HACE1: variants seen among roughly 807,000 people sequenced by gnomAD.
HACE1 encodes the protein HECT domain and ankyrin repeat containing E3 ubiquitin protein ligase 1.
HACE1 carries 73 observed loss-of-function variants against 118.4 expected under a neutral mutation model. That is an observed-to-expected ratio of 0.62 (90% CI 0.51 to 0.75). The LOEUF is 0.75. Among genes scored for constraint, HACE1 ranks in the 30% least tolerant of loss-of-function variants. HACE1 has a pLI of 0.00. For synonymous variants in HACE1, 368 were observed against 374.8 expected (o/e 0.98, Z 0.21); for missense variants, 749 against 1,102.2 (o/e 0.68, Z 4.54).
At chr6:104,842,168 G>A (rs548912264) in intron 5 of HACE1, among the ~76,000 whole-genome samples, 43 of 152,258 alleles carry the variant, frequency 2.8e-4, no homozygotes, top group Middle Eastern at 3.4e-3. Flanking sequence ...TACTAGCCAA[G>A]GGTAGTGAGA....
chr6:104,749,943 A>G (rs1048541723), intron 20 of HACE1, among the ~76,000 whole-genome samples: 7 of 152,138 alleles, frequency 4.6e-5, no homozygotes, highest in Non-Finnish European at 1.0e-4. Flanking sequence ...ATACAATAAG[A>G]AAAACCTTCT....
chr6:104,831,584 CAA>C (rs111566392), intron 6 of HACE1, among the ~76,000 whole-genome samples: 2 of 110,334 alleles, frequency 1.8e-5, no homozygotes. Flanking sequence ...GCCTCCGTCT[CAA>C]AAAAAAAAAG....
chr6:104,809,103 TA>T (rs1420863671), intron 7 of HACE1, among the ~76,000 whole-genome samples: 1 of 152,214 alleles, frequency 6.6e-6, no homozygotes. Flanking sequence ...TTTTATAAGA[TA>T]TTTTTCATAG....
intron 4 of HACE1, 51 bp from the exon 5 acceptor site, chr6:104,843,349 A>T (rs1284551147): frequency 3.6e-6 from 3 of 830,526 alleles, no homozygotes; most frequent in Non-Finnish European, 6.4e-6. Flanking sequence ...AATATATGCA[A>T]ATGACAATTA....
intron 23 of HACE1, 105 bp downstream of exon 23, chr6:104,730,198 T>C: frequency 5.5e-6 from 4 of 724,750 alleles, no homozygotes; most frequent in South Asian, 2.9e-5. Flanking sequence ...TGGAGAGAGA[T>C]CACAGCTGAG....
intron 6 of HACE1, among the ~76,000 whole-genome samples, chr6:104,815,783 A>G (rs1426001541): frequency 7.2e-6 from 1 of 138,494 alleles, no homozygotes; most frequent in African/African-American, 2.9e-5. Context: ...TTTAAAAGGG[A>G]AACAGAGGGC....
intron 6 of HACE1, among the ~76,000 whole-genome samples, chr6:104,832,608 G>C (rs904276394): frequency 5.7e-4 from 87 of 152,064 alleles, no homozygotes; most frequent in African/African-American, 2.0e-3. Context: ...TGTTGCCCAG[G>C]CTGAACTCCT....
chr6:104,782,887 T>C (rs1183113776), intron 14 of HACE1, among the ~76,000 whole-genome samples: 1 of 152,224 alleles, frequency 6.6e-6, no homozygotes, highest in East Asian at 1.9e-4. Flanking sequence ...AACCAAACCA[T>C]TGCCTACAGT....
chr6:104,755,367 T>C (rs960641050), intron 19 of HACE1, among the ~76,000 whole-genome samples: 36 of 152,124 alleles, frequency 2.4e-4, no homozygotes, highest in African/African-American at 8.2e-4. Flanking sequence ...ATTAGACAGA[T>C]CATCAAGACA....
chr6:104,788,232 T>A (rs1016848685), intron 11 of HACE1, among the ~76,000 whole-genome samples: 3 of 152,126 alleles, frequency 2.0e-5, no homozygotes, highest in Admixed American at 2.0e-4. Flanking sequence ...TACCATTTGT[T>A]ACCGAACAAT....
intron 17 of HACE1, among the ~76,000 whole-genome samples, chr6:104,773,974 C>T (rs1237816200): frequency 6.6e-6 from 1 of 151,552 alleles, no homozygotes. Context: ...ATAATAATAG[C>T]ATATAATATT....
At chr6:104,734,642 CTACTCT>C (rs1441547568) in intron 22 of HACE1, among the ~76,000 whole-genome samples, 1 of 152,162 alleles carries the variant, frequency 6.6e-6, no homozygotes, top group East Asian at 1.9e-4. Context: ...TCCTTGGCTT[CTACTCT>C]TCACCCACAT....
chr6:104,831,990 G>GAGAAGA (rs1562471425), intron 6 of HACE1, among the ~76,000 whole-genome samples: 7 of 95,154 alleles, frequency 7.4e-5, no homozygotes, highest in Admixed American at 2.1e-4. Flanking sequence ...GAGGAAGGAA[G>GAGAAGA]GAAGGAAGGA....
chr6:104,750,554 AG>A (rs1231673202), intron 19 of HACE1, 82 bp from the exon 20 acceptor site: 1 of 1,281,556 alleles, frequency 7.8e-7, no homozygotes, highest in Non-Finnish European at 1.1e-6. Context: ...CTTATTTAAG[AG>A]GTAAAGGTTT....
chr6:104,827,025 T>C (rs1184074167), intron 6 of HACE1, among the ~76,000 whole-genome samples: 1 of 152,172 alleles, frequency 6.6e-6, no homozygotes, highest in Non-Finnish European at 1.5e-5. Context: ...CTTCATAACC[T>C]TTCAAGTGAC....
At chr6:104,841,458 G>A (rs766732901) in intron 5 of HACE1, among the ~76,000 whole-genome samples, 2 of 152,062 alleles carry the variant, frequency 1.3e-5, no homozygotes, top group South Asian at 2.1e-4. Context: ...TGCACGTACC[G>A]TGTCACTAAG....
intron 5 of HACE1, among the ~76,000 whole-genome samples, chr6:104,840,876 T>C (rs1261985937): frequency 6.6e-6 from 1 of 152,136 alleles, no homozygotes; most frequent in Non-Finnish European, 1.5e-5. Context: ...AGCAGGAGAA[T>C]TGCTTGAACC....
At chr6:104,836,296 G>A (rs980821625) in intron 5 of HACE1, among the ~76,000 whole-genome samples, 1 of 152,170 alleles carries the variant, frequency 6.6e-6, no homozygotes, top group African/African-American at 2.4e-5. Context: ...TACATATTAA[G>A]AGGATATTTA....
intron 6 of HACE1, among the ~76,000 whole-genome samples, chr6:104,822,070 T>A (rs1318411979): frequency 2.0e-5 from 3 of 151,650 alleles, no homozygotes; most frequent in South Asian, 2.1e-4. Context: ...ATTTTTTTTT[T>A]AAATTATCCA....
Sources: gnomAD v4.1 joint callset for allele counts (sites outside exome capture counted in the v4.1 genomes callset) on GRCh38, gnomAD v4.1.1 for gene constraint, MANE v1.5 for transcripts, NCBI Gene and HGNC (gene_info 2026-07-23, HGNC 2026-07-21) for gene names.